The following TJP2 variants were observed in gnomAD, a reference collection of about 807,000 sequenced individuals.
The protein encoded by TJP2 is tight junction protein 2.
In TJP2, 91 loss-of-function variants were observed where a neutral mutation model predicts 133.1. The ratio of observed to expected loss-of-function variants is 0.68; its 90% confidence interval spans 0.58 to 0.81. The LOEUF (loss-of-function observed/expected upper bound fraction) is 0.81. Among genes scored for constraint, TJP2 ranks in the 40% least tolerant of loss-of-function variants. The pLI, the probability that TJP2 is intolerant of heterozygous loss-of-function variation, is 0.00. For missense variants in TJP2, 1,541 were observed against 1,565.6 expected (o/e 0.98, Z 0.26); for synonymous variants, 592 against 583.4 (o/e 1.01, Z -0.21).
At position 69,127,020 on chromosome 9, in the gene TJP2, C is replaced by T; in HGVS notation, c.-131+5295C>T. 2.7e-5 allele frequency among the ~76,000 whole-genome samples: 2 copies of T among 74,876 alleles called. 1 individual carries two copies. The highest frequency in any genetic ancestry group is 6.1e-5 in the Non-Finnish European group (2 of 32,924). 49.1% of individuals were successfully genotyped at this position (74,876 alleles called of 152,430 possible). A position where few individuals can be genotyped will look rare whatever the true frequency, so the allele number is the denominator to read the frequency against. ...GCTGAGGTGGAAGGATTGCTTGAGCCTGGGAGTTCAAGTCCAGCCTGGGCA... is the reference window on the plus strand; with the variant it reads ...GCTGAGGTGGAAGGATTGCTTGAGCTTGGGAGTTCAAGTCCAGCCTGGGCA... On this transcript the variant is annotated intron_variant, in intron 1 of 5. Transcript: ENST00000423935.
chr9:69,246,431 C>T, intron 17 of TJP2: 1 of 448,710 alleles, frequency 2.2e-6, no homozygotes, highest in Non-Finnish European at 4.1e-6. Flanking sequence ...AAAAGTTAGC[C>T]TTTCTGAAAA....
chr9:69,174,008 C>T (rs975608439), upstream of TJP2: 1 of 984,742 alleles, frequency 1.0e-6, no homozygotes. Flanking sequence ...CCTTGGGCTT[C>T]TCCTGCCGCC....
At chr9:69,229,127 T>C in intron 9 of TJP2, 57 bp from the exon 10 acceptor site, 1 of 1,515,222 alleles carries the variant, frequency 6.6e-7, no homozygotes, top group Non-Finnish European at 9.2e-7. Flanking sequence ...TTTTTCTATT[T>C]AGAAACGCAC....
chr9:69,162,629 A>T (rs932052870), intron 2 of TJP2, among the ~76,000 whole-genome samples: 1 of 152,234 alleles, frequency 6.6e-6, no homozygotes, highest in Non-Finnish European at 1.5e-5. Flanking sequence ...GATGATAGAG[A>T]TCTAGTTCAT....
chr9:69,198,997 GA>G (rs1247731239), intron 1 of TJP2, among the ~76,000 whole-genome samples: 2 of 152,152 alleles, frequency 1.3e-5, no homozygotes, highest in Non-Finnish European at 2.9e-5. Context: ...CCTTCTCTGG[GA>G]AAAAGCATTT....
intron 9 of TJP2, among the ~76,000 whole-genome samples, chr9:69,228,732 A>T (rs1248936747): frequency 6.6e-6 from 1 of 152,182 alleles, no homozygotes; most frequent in East Asian, 1.9e-4. Context: ...AAAATATAAA[A>T]TAATAGCCTT....
Position 69,179,763 on chromosome 9 carries a change from T to A in TJP2, c.60+5331T>A, listed in dbSNP as rs180972404. Among the ~76,000 whole-genome samples the A allele has an allele frequency of 3.5e-3, 535 of 152,260 alleles. 6 individuals carry two copies. The highest frequency in any genetic ancestry group is 0.013 in the African/African-American group (522 of 41,536). On this transcript the variant is annotated intron_variant, in intron 1 of 22. Transcript: ENST00000377245. ...ATCCACCCGCCTCGGCCTCCCAAAG[T>A]GCTGGGATTAGAGGTGTGAGCCACC...
chr9:69,240,117 C>T lies in TJP2; in HGVS notation c.2536C>T (p.Leu846Phe), dbSNP rs1400545481. The change falls in exon 17 of 23, where the codon CTT becomes TTT. Residue 846 changes from leucine (L) to phenylalanine (F), a missense_variant. Leu to Phe is a conservative substitution (Grantham distance 22, BLOSUM62 0). Coordinates refer to ENST00000377245, the MANE Select transcript of TJP2 (RefSeq NM_004817.4). ...AAAGTTATTTGATCAAGCCAACAAG[C>T]TTAAAAAAACGTGTGCACACCTTTT... ...SRKLFDQANK[L>F]KKTCAHLFTA... 6.2e-7 allele frequency: 1 copy of T among 1,613,752 alleles called. No individual in the cohort carries two copies. The highest frequency in any genetic ancestry group is 8.5e-7 in the Non-Finnish European group (1 of 1,179,928).
rs1291100851 is a variant in TJP2 at position 69,240,419 on chromosome 9, A to G, written c.2566+272A>G. On this transcript the variant is annotated intron_variant, in intron 17 of 22. Transcript: ENST00000377245. ...GTTCATATTTTCCTGTGAGACTATA[A>G]GGCTAGTGATTGAGCCAGGCCAAAC... Among the ~76,000 whole-genome samples, 8 of 152,350 alleles carry G rather than the reference A, an allele frequency of 5.3e-5. No homozygotes were observed. In the East Asian group the frequency reaches 1.5e-3, roughly 29 times the overall value.
intron 1 of TJP2, among the ~76,000 whole-genome samples, chr9:69,139,372 A>G (rs1822915543): frequency 6.6e-6 from 1 of 152,228 alleles, no homozygotes; most frequent in Non-Finnish European, 1.5e-5. Context: ...GAGGTAATCA[A>G]GCTAAAATGA....
At chr9:69,182,030 C>T (rs776030583) in intron 1 of TJP2, among the ~76,000 whole-genome samples, 5 of 152,184 alleles carry the variant, frequency 3.3e-5, no homozygotes, top group Admixed American at 6.5e-5. Context: ...CTGTGACATA[C>T]GCTTGGAAGG....
At chr9:69,134,232 A>C (rs1309271420) in intron 1 of TJP2, among the ~76,000 whole-genome samples, 2 of 152,146 alleles carry the variant, frequency 1.3e-5, no homozygotes, top group Admixed American at 1.3e-4. Context: ...GGACTGGAAC[A>C]CCCAACGTGA....
intron 11 of TJP2, 33 bp from the exon 12 acceptor site, chr9:69,234,406 T>TTCTTTC: frequency 7.6e-7 from 1 of 1,316,882 alleles, no homozygotes; most frequent in African/African-American, 1.7e-5. Context: ...TTCTTTTTTT[T>TTCTTTC]TTTTTTCTTT....
intron 1 of TJP2, among the ~76,000 whole-genome samples, chr9:69,182,483 G>A (rs986322942): frequency 6.6e-6 from 1 of 152,140 alleles, no homozygotes; most frequent in Non-Finnish European, 1.5e-5. Context: ...TTTAATCAAA[G>A]GTCTGAGAGA....
chr9:69,133,584 C>T lies in TJP2; in HGVS notation c.-131+11859C>T, dbSNP rs567251098. On this transcript the variant is annotated intron_variant, in intron 1 of 5. Coordinates refer to the TJP2 transcript ENST00000423935. ...TTTTTTTTTTTGAGACAGGGTCTCG[C>T]TCTGTCACCCAGGCTGGAGTACAGT... 1.7e-4 allele frequency among the ~76,000 whole-genome samples: 24 copies of T among 139,216 alleles called. No homozygotes were observed. In the South Asian group the frequency reaches 5.3e-3, roughly 31 times the overall value. The allele number at this position is 139,216 out of a possible 152,430, so 91.3% of individuals were successfully genotyped here. A position where few individuals can be genotyped will look rare whatever the true frequency, so the allele number is the denominator to read the frequency against.
At chr9:69,142,513 A>T (rs1270376502) in intron 1 of TJP2, among the ~76,000 whole-genome samples, 41 of 152,226 alleles carry the variant, frequency 2.7e-4, no homozygotes, top group Admixed American at 2.7e-3. Context: ...AAAAGCAAAA[A>T]CAAAAAAATT....
rs976417906 is a variant in TJP2 at position 69,254,668 on chromosome 9, C to T, written c.*294C>T. 5 of 592,878 alleles carry T rather than the reference C, an allele frequency of 8.4e-6. No individual in the cohort carries two copies. The highest frequency in any genetic ancestry group is 3.7e-5 in the African/African-American group (2 of 53,908). 36.7% of individuals were successfully genotyped at this position (592,878 alleles called of 1,614,324 possible). On this transcript the variant is annotated 3_prime_UTR_variant, in exon 23 of 23. Transcript: ENST00000377245. ...TGGACCGAAATCTGTATTCTGTTTG[C>T]GTACTTGTAATATGTATATTAAGAA...
chr9:69,151,484 A>AG (rs945049373), intron 1 of TJP2, among the ~76,000 whole-genome samples: 1 of 151,738 alleles, frequency 6.6e-6, no homozygotes, highest in African/African-American at 2.4e-5. Flanking sequence ...CCGTCTCAAA[A>AG]AAAAAAAAAA....
At chr9:69,196,721 T>G (rs957353143) in intron 1 of TJP2, among the ~76,000 whole-genome samples, 3 of 152,132 alleles carry the variant, frequency 2.0e-5, no homozygotes, top group African/African-American at 7.2e-5. Flanking sequence ...CAATTCATTT[T>G]AGAACATTTT....
Sources: allele counts gnomAD v4.1 joint callset (sites outside exome capture counted in the v4.1 genomes callset), GRCh38; gene constraint gnomAD v4.1.1; transcripts MANE v1.5; gene names NCBI Gene and HGNC (gene_info 2026-07-23, HGNC 2026-07-21).